ITGB2: variants seen among roughly 807,000 people sequenced by gnomAD.
ITGB2 encodes integrin beta-2.
ITGB2 carries 56 observed loss-of-function variants against 86.8 expected under a neutral mutation model. The observed-to-expected ratio is 0.65, with a 90% CI of 0.52 to 0.81. The LOEUF (loss-of-function observed/expected upper bound fraction) is 0.81. Among genes scored for constraint, ITGB2 ranks in the 30% least tolerant of loss-of-function variants. The pLI, the probability that ITGB2 is intolerant of heterozygous loss-of-function variation, is 0.00. For synonymous variants in ITGB2, 457 were observed against 450.4 expected, an observed-to-expected ratio of 1.01 and a Z score of -0.19; for missense variants, 948 against 1,061.2, an observed-to-expected ratio of 0.89 and a Z score of 1.48.
chr21:44,928,095 T>G (rs1487474477), intron 1 of ITGB2: 1 of 151,200 alleles, frequency 6.6e-6, no homozygotes, highest in Non-Finnish European at 1.5e-5. Context: ...CTGCGTGGTG[T>G]GGCTCCTCCT....
chr21:44,900,686 G>A (rs954051078), intron 6 of ITGB2, among the ~76,000 whole-genome samples: 3 of 152,184 alleles, frequency 2.0e-5, no homozygotes, highest in Non-Finnish European at 4.4e-5. Flanking sequence ...CACATGTGAG[G>A]CGCAGGGAGT....
intron 6 of ITGB2, 126 bp from the exon 7 acceptor site, chr21:44,900,601 T>A: frequency 8.5e-7 from 1 of 1,183,084 alleles, no homozygotes; most frequent in Non-Finnish European, 1.2e-6. Context: ...CCCTTTCCCC[T>A]GGGTCTCAGG....
At chr21:44,910,871 G>T in intron 1 of ITGB2, 86 bp from the exon 2 acceptor site, 1 of 1,387,108 alleles carries the variant, frequency 7.2e-7, no homozygotes, top group Non-Finnish European at 1.0e-6. Context: ...GCTGGCCTGG[G>T]ACAAGGAGCT....
chr21:44,889,472 T>C lies in ITGB2; in HGVS notation c.1681A>G (p.Lys561Glu). Residue 561 changes from lysine (K) to glutamate (E), a missense_variant, in exon 13 of 16, where the codon AAG becomes GAG. Lys to Glu is a moderately conservative substitution (Grantham distance 56, BLOSUM62 1). Transcript: ENST00000652462. ...GPGRGLCFCGKCRCHPGFEGS... is the reference protein window; with the variant it reads ...GPGRGLCFCGECRCHPGFEGS... Reference sequence around the variant, plus strand: ...TCAAAGCCCGGGTGGCAGCGGCACTTCCCGCAGAAGCAGAGCCCCCTCCCT... The same window carrying C: ...TCAAAGCCCGGGTGGCAGCGGCACTCCCCGCAGAAGCAGAGCCCCCTCCCT... 1 of 1,581,180 alleles carries C rather than the reference T, an allele frequency of 6.3e-7. No individual in the cohort carries two copies. Among genetic ancestry groups the C allele is most frequent in the Non-Finnish European group, 8.6e-7 (1 of 1,164,194 alleles).
chr21:44,900,901 C>T (rs916833544), intron 6 of ITGB2, among the ~76,000 whole-genome samples: 6 of 152,356 alleles, frequency 3.9e-5, no homozygotes, highest in Admixed American at 6.5e-5. Flanking sequence ...CCCTGGCAGG[C>T]GCATGTGGGG....
intron 1 of ITGB2, among the ~76,000 whole-genome samples, chr21:44,919,023 A>ACTCGGAGCTGAGCGTCC (rs1568909678): frequency 2.8e-5 from 4 of 144,886 alleles, no homozygotes; most frequent in Admixed American, 6.9e-5. Context: ...ACTCGGAGGC[A>ACTCGGAGCTGAGCGTCC]CCTGCAGTTG....
intron 1 of ITGB2, among the ~76,000 whole-genome samples, chr21:44,927,335 G>C (rs1176375994): frequency 1.3e-5 from 2 of 152,168 alleles, no homozygotes; most frequent in East Asian, 3.9e-4. Flanking sequence ...TCAGGTCAGT[G>C]AGGTTCATAA....
chr21:44,918,402 G>T (rs1010643517), intron 1 of ITGB2, among the ~76,000 whole-genome samples: 2 of 152,268 alleles, frequency 1.3e-5, no homozygotes, highest in South Asian at 4.1e-4. Flanking sequence ...CCCGGCCTGG[G>T]CCAGAGTGGA....
chr21:44,925,433 A>C, upstream of ITGB2, among the ~76,000 whole-genome samples: 1 of 134,968 alleles, frequency 7.4e-6, no homozygotes, highest in Non-Finnish European at 1.6e-5. Flanking sequence ...GGAAGGAAGG[A>C]AGGAAGGAAG....
chr21:44,922,814 T>G (rs1242152153), upstream of ITGB2: 1 of 152,238 alleles, frequency 6.6e-6, no homozygotes, highest in Non-Finnish European at 1.5e-5. Flanking sequence ...TACATTTTCT[T>G]GTTTTAAATC....
At position 44,900,408 on chromosome 21, in the gene ITGB2, G is replaced by T; in HGVS notation, c.809C>A (p.Ala270Glu). Residue 270 changes from alanine (A) to glutamate (E), a missense_variant, in exon 7 of 16, where the codon GCG becomes GAG. Ala to Glu is a moderately radical substitution (Grantham distance 107, BLOSUM62 -1). Transcript: ENST00000652462. ...GATGGCGCCCAGCTTCCCGTCGCCC[G>T]CGAAATGGAAGCCGTCATCAGTGGC... Reference protein sequence around the residue: ...VFATDDGFHFAGDGKLGAILT... With the variant: ...VFATDDGFHFEGDGKLGAILT... 6.2e-7 allele frequency: 1 copy of T among 1,614,050 alleles called. No individual in the cohort carries two copies. Among genetic ancestry groups the T allele is most frequent in the Non-Finnish European group, 8.5e-7 (1 of 1,179,920 alleles).
In ITGB2 at chr21:44,888,787, G is replaced by T; in HGVS notation, c.1986C>A (p.Cys662Ter). ...AGCAGCCCTCTGAGTCCCTCTCCTT[G>T]CAGGTCCTGCCCTTCACGGGGTTGT... is the stretch of plus-strand genomic sequence containing the variant. ...LSNNPVKGRT[C>*]KERDSEGCWV... Residue 662 changes from cysteine (C) to a stop codon, truncating the protein, a stop_gained, in exon 14 of 16, where the codon TGC becomes TGA. Transcript: ENST00000652462. LOFTEE classifies it high-confidence loss of function. 6.2e-7 allele frequency: 1 copy of T among 1,612,042 alleles called. No homozygotes were observed. The highest frequency in any genetic ancestry group is 8.5e-7 in the Non-Finnish European group (1 of 1,179,982).
chr21:44,914,751 C>T (rs1310742090), intron 1 of ITGB2, among the ~76,000 whole-genome samples: 1 of 151,986 alleles, frequency 6.6e-6, no homozygotes, highest in East Asian at 1.9e-4. Context: ...AGTGAGACTC[C>T]TACCTCTACA....
Position 44,900,272 on chromosome 21 carries a change from A to G in ITGB2, c.897+48T>C, listed in dbSNP as rs759650468. On this transcript the variant is annotated intron_variant, in intron 7 of 15. Coordinates refer to ENST00000652462, the MANE Select transcript of ITGB2 (RefSeq NM_000211.5). ...AGACCCCACCCTTGTCTCCTCCGTC[A>G]GTGGTGTCCTGCCAGGCGGTGCCTG... is the stretch of plus-strand genomic sequence containing the variant. The G allele has an allele frequency of 1.7e-5, 27 of 1,611,832 alleles. No homozygotes were observed. In the South Asian group the frequency reaches 2.5e-4, roughly 15 times the overall value.
chr21:44,927,557 A>T (rs1474734081), intron 1 of ITGB2: 1 of 149,426 alleles, frequency 6.7e-6, no homozygotes, highest in African/African-American at 2.5e-5. Context: ...CTGCAACCCA[A>T]CTCTGGTCTC....
intron 15 of ITGB2, 39 bp from the exon 16 acceptor site, chr21:44,886,469 G>A (rs768529008): frequency 1.4e-5 from 23 of 1,597,820 alleles, no homozygotes; most frequent in Non-Finnish European, 1.9e-5. Context: ...GAGTGTGGGA[G>A]GTTTTCAGAG....
intron 14 of ITGB2, among the ~76,000 whole-genome samples, chr21:44,887,657 C>A (rs943397231): frequency 6.6e-6 from 1 of 152,184 alleles, no homozygotes; most frequent in East Asian, 1.9e-4. Context: ...TGCCATCCTG[C>A]CTTTCCTGGG....
chr21:44,895,409 A>G (rs1233738649), intron 8 of ITGB2, among the ~76,000 whole-genome samples: 2 of 152,184 alleles, frequency 1.3e-5, no homozygotes, highest in Non-Finnish European at 2.9e-5. Context: ...ACATGCCTGT[A>G]GTACCAGATA....
chr21:44,926,245 C>T (rs1013193185), intron 1 of ITGB2, among the ~76,000 whole-genome samples: 4 of 152,182 alleles, frequency 2.6e-5, no homozygotes, highest in South Asian at 2.1e-4. Context: ...ACCTCCATTC[C>T]GGGGACTCAC....
Sources: gnomAD v4.1 joint callset for allele counts (sites outside exome capture counted in the v4.1 genomes callset) on GRCh38, gnomAD v4.1.1 for gene constraint, MANE v1.5 for transcripts, NCBI Gene and HGNC (gene_info 2026-07-23, HGNC 2026-07-21) for gene names.